Variants in MBD5 observed in about 807,000 individuals in gnomAD.
The protein encoded by MBD5 is methyl-CpG binding domain protein 5.
In MBD5, 13 loss-of-function variants were observed where a neutral mutation model predicts 117.3. That is an observed-to-expected ratio of 0.11 (90% CI 0.07 to 0.18). The LOEUF is 0.18. Among genes scored for constraint, MBD5 ranks in the 10% least tolerant of loss-of-function variants. The pLI is 1.00. For synonymous variants in MBD5, 727 were observed against 766.4 expected (o/e 0.95, Z 0.85); for missense variants, 1,879 against 2,093.8 (o/e 0.90, Z 2.00).
intron 1 of MBD5, among the ~76,000 whole-genome samples, chr2:148,046,872 T>G (rs558187456): frequency 9.8e-5 from 15 of 152,344 alleles, no homozygotes; most frequent in Middle Eastern, 3.4e-3. Context: ...TTGGTTTATA[T>G]AAAATCCTAT....
chr2:148,113,686 A>G (rs917292038), intron 1 of MBD5, among the ~76,000 whole-genome samples: 1 of 152,112 alleles, frequency 6.6e-6, no homozygotes, highest in African/African-American at 2.4e-5. Flanking sequence ...TTGCCTTTCA[A>G]CTCCATTTTT....
intron 4 of MBD5, among the ~76,000 whole-genome samples, chr2:148,416,434 C>T (rs1195751323): frequency 6.6e-6 from 1 of 152,124 alleles, no homozygotes; most frequent in East Asian, 1.9e-4. Context: ...TCCATGCTCA[C>T]TCACACATGC....
At chr2:148,488,669 G>A (rs983377582) in intron 10 of MBD5, among the ~76,000 whole-genome samples, 1 of 142,560 alleles carries the variant, frequency 7.0e-6, no homozygotes, top group African/African-American at 2.5e-5. Context: ...GGGGTGGGGG[G>A]TAAAATTAGA....
At chr2:148,195,214 A>T (rs1698950443) in intron 2 of MBD5, among the ~76,000 whole-genome samples, 1 of 152,126 alleles carries the variant, frequency 6.6e-6, no homozygotes, top group African/African-American at 2.4e-5. Context: ...AAGTTAAAGG[A>T]TGTGTTAAAT....
In MBD5 at chr2:148,450,737, A is replaced by C. The variant is rs1706702193; in HGVS notation, c.-556-7466A>C. Among the ~76,000 whole-genome samples the C allele has an allele frequency of 2.0e-5, 3 of 152,212 alleles. No individual in the cohort carries two copies. The East Asian group carries it at 5.8e-4, about 29-fold the overall frequency. On this transcript the variant is annotated intron_variant, in intron 4 of 13. Transcript: ENST00000642680. The stretch of plus-strand genomic sequence containing the variant: ...CAAATCACAAGGCCTGCCAAGATTC[A>C]GCATATGGAGTGATAAATTCATCTC...
In MBD5 at chr2:148,126,534, G is replaced by A. The variant is rs138515565; in HGVS notation, c.-924-52166G>A. Among the ~76,000 whole-genome samples the A allele has an allele frequency of 1.3e-5, 2 of 152,130 alleles. 1 individual carries two copies. The highest frequency in any genetic ancestry group is 3.9e-4 in the East Asian group (2 of 5,178). ...TTCCAGCATTTGCTGTATATGGTAA[G>A]TGTTTTCTCCCAGGTGTTCCCCTTC... On this transcript the variant is annotated intron_variant, in intron 1 of 13. Transcript: ENST00000642680.
intron 4 of MBD5, among the ~76,000 whole-genome samples, chr2:148,397,907 G>C (rs915028254): frequency 2.6e-5 from 4 of 151,658 alleles, no homozygotes; most frequent in African/African-American, 9.7e-5. Flanking sequence ...GCAGTGTTTG[G>C]TTTTTTGTCT....
chr2:148,137,272 C>T (rs1402472767), intron 1 of MBD5, among the ~76,000 whole-genome samples: 3 of 152,102 alleles, frequency 2.0e-5, no homozygotes, highest in Non-Finnish European at 4.4e-5. Context: ...ATGTTACTCG[C>T]TACAAATTTT....
chr2:148,183,868 A>C (rs2105869154), intron 2 of MBD5, among the ~76,000 whole-genome samples: 1 of 152,232 alleles, frequency 6.6e-6, no homozygotes, highest in East Asian at 1.9e-4. Flanking sequence ...ATATGTAAAA[A>C]TCTAGGTTTT....
intron 3 of MBD5, among the ~76,000 whole-genome samples, chr2:148,279,341 G>T (rs1701186189): frequency 6.6e-6 from 1 of 152,184 alleles, no homozygotes; most frequent in South Asian, 2.1e-4. Context: ...AAGTCGGCAG[G>T]ATCGTTTAAG....
intron 3 of MBD5, among the ~76,000 whole-genome samples, chr2:148,239,031 C>T (rs918260202): frequency 4.0e-5 from 6 of 149,408 alleles, no homozygotes; most frequent in South Asian, 2.1e-4. Flanking sequence ...CACACACACA[C>T]GTGTGTGTGT....
intron 3 of MBD5, among the ~76,000 whole-genome samples, chr2:148,247,056 T>C (rs1192283444): frequency 6.6e-6 from 1 of 152,138 alleles, no homozygotes; most frequent in Non-Finnish European, 1.5e-5. Flanking sequence ...ACATTTCCTT[T>C]CCTGTAAAGC....
Position 148,463,899 on chromosome 2 carries a change from C to T in MBD5, c.377C>T (p.Thr126Ile). 4 of 1,613,556 alleles carry T rather than the reference C, an allele frequency of 2.5e-6. No homozygotes were observed. The highest frequency in any genetic ancestry group is 2.7e-5 in the African/African-American group (2 of 75,008). ...MEAPHPSLVL[T>I]SPGGGTNATP... ...GCCCCACATCCTTCTCTGGTGCTCACCAGTCCCGGAGGAGGAACAAGTATG... is the reference window on the plus strand; with the variant it reads ...GCCCCACATCCTTCTCTGGTGCTCATCAGTCCCGGAGGAGGAACAAGTATG... The change falls in exon 7 of 14, where the codon ACC (threonine) becomes ATC (isoleucine). Residue 126 changes from threonine to isoleucine, a missense_variant. Physicochemically the swap from Thr to Ile is moderately conservative, Grantham distance 89. Coordinates refer to ENST00000642680, the MANE Select transcript of MBD5 (RefSeq NM_001378120.1).
chr2:148,150,605 C>G (rs1316822225), intron 1 of MBD5, among the ~76,000 whole-genome samples: 1 of 151,860 alleles, frequency 6.6e-6, no homozygotes, highest in African/African-American at 2.4e-5. Flanking sequence ...TTTGTATCCT[C>G]TTTTATTTCC....
intron 11 of MBD5, among the ~76,000 whole-genome samples, chr2:148,500,324 C>T (rs1261108526): frequency 6.6e-6 from 1 of 151,672 alleles, no homozygotes; most frequent in Non-Finnish European, 1.5e-5. Context: ...TATAAAATGA[C>T]TACATTTCAA....
chr2:148,224,509 ATTTTTTT>A (rs34659671), intron 2 of MBD5, among the ~76,000 whole-genome samples: 3 of 58,182 alleles, frequency 5.2e-5, no homozygotes, highest in African/African-American at 1.6e-4. Context: ...CGCCTGGCTA[ATTTTTTT>A]TTTTTTTTTT....
At chr2:148,235,090 C>T (rs1182261052) in intron 3 of MBD5, among the ~76,000 whole-genome samples, 2 of 152,084 alleles carry the variant, frequency 1.3e-5, no homozygotes, top group Non-Finnish European at 2.9e-5. Flanking sequence ...CACACCTATG[C>T]TCCTTATACT....
intron 4 of MBD5, among the ~76,000 whole-genome samples, chr2:148,401,051 T>C (rs1266352624): frequency 6.6e-6 from 1 of 152,170 alleles, no homozygotes; most frequent in East Asian, 1.9e-4. Context: ...CTAGCTCTTG[T>C]TTTGTCATCT....
intron 4 of MBD5, among the ~76,000 whole-genome samples, chr2:148,396,638 C>G (rs147917093): frequency 6.6e-6 from 1 of 152,172 alleles, no homozygotes; most frequent in Non-Finnish European, 1.5e-5. Flanking sequence ...GTGCAGTCAC[C>G]TTTATGACTA....
Sources: allele counts gnomAD v4.1 joint callset (sites outside exome capture counted in the v4.1 genomes callset), GRCh38; gene constraint gnomAD v4.1.1; transcripts MANE v1.5; gene names NCBI Gene and HGNC (gene_info 2026-07-23, HGNC 2026-07-21).